Variants in CMTM7 observed in about 807,000 individuals in gnomAD.
The protein encoded by CMTM7 is CKLF-like MARVEL transmembrane domain-containing protein 7.
A neutral mutation model predicts 19.3 loss-of-function variants in CMTM7; 7 were observed. The observed-to-expected ratio is 0.36, with a 90% CI of 0.21 to 0.68. The LOEUF (loss-of-function observed/expected upper bound fraction) is 0.68, where lower values mean the gene tolerates loss of function less well. Among genes scored for constraint, CMTM7 ranks in the 30% least tolerant of loss-of-function variants. CMTM7 has a pLI of 0.60. For missense variants in CMTM7, 193 were observed against 232.6 expected (o/e 0.83, Z 1.11); for synonymous variants, 87 against 99.3 (o/e 0.88, Z 0.74).
At chr3:32,431,409 T>C (rs1696516735) in intron 1 of CMTM7, among the ~76,000 whole-genome samples, 1 of 147,184 alleles carries the variant, frequency 6.8e-6, no homozygotes, top group African/African-American at 2.5e-5. Context: ...GGAGTAACAC[T>C]TTTTTTTTTT....
rs146427365 is a variant in CMTM7, at chr3:32,414,866, A to G, written c.159+22801A>G. ...AAGTGGGGTACTATTTGTCACCTCCACTTTCCAGGTGGAAAACAGGCCCTG... is the reference window on the plus strand; with the variant it reads ...AAGTGGGGTACTATTTGTCACCTCCGCTTTCCAGGTGGAAAACAGGCCCTG... On this transcript the variant is annotated intron_variant, in intron 1 of 4. Transcript: ENST00000334983. Among the ~76,000 whole-genome samples the G allele has an allele frequency of 5.1e-3, 780 of 152,248 alleles. 4 individuals are homozygous for G. Among genetic ancestry groups the G allele is most frequent in the Non-Finnish European group, 8.1e-3 (548 of 68,002 alleles).
At chr3:32,416,152 A>G (rs1165399183) in intron 1 of CMTM7, among the ~76,000 whole-genome samples, 2 of 152,090 alleles carry the variant, frequency 1.3e-5, no homozygotes, top group Non-Finnish European at 2.9e-5. Flanking sequence ...TTTTGAGATC[A>G]GCATTGTTCT....
At chr3:32,403,246 A>C (rs1426622582) in intron 1 of CMTM7, among the ~76,000 whole-genome samples, 1 of 152,068 alleles carries the variant, frequency 6.6e-6, no homozygotes, top group African/African-American at 2.4e-5. Flanking sequence ...ACAGGGTCTC[A>C]CTTTGCCACC....
At chr3:32,435,754 T>A (rs370616011) in intron 1 of CMTM7, among the ~76,000 whole-genome samples, 3 of 152,196 alleles carry the variant, frequency 2.0e-5, no homozygotes, top group Non-Finnish European at 4.4e-5. Context: ...ATAAAGCCAC[T>A]GCCATACTGG....
chr3:32,403,527 T>C lies in CMTM7; in HGVS notation c.159+11462T>C, dbSNP rs573695196. On this transcript the variant is annotated intron_variant, in intron 1 of 4. Coordinates refer to ENST00000334983, the MANE Select transcript of CMTM7 (RefSeq NM_138410.4). Reference sequence around the variant, plus strand: ...GGTGCCGGCCGGGCTAGGTGTTTTTTATATGTGTTACCTTGTTTAATCCTC... The same window carrying C: ...GGTGCCGGCCGGGCTAGGTGTTTTTCATATGTGTTACCTTGTTTAATCCTC... Among the ~76,000 whole-genome samples, 12 of 152,312 alleles carry C rather than the reference T, an allele frequency of 7.9e-5. No individual in the cohort carries two copies. In the South Asian group the frequency reaches 2.5e-3, roughly 32 times the overall value.
chr3:32,421,558 T>A (rs1696344415), intron 1 of CMTM7, among the ~76,000 whole-genome samples: 1 of 151,986 alleles, frequency 6.6e-6, no homozygotes, highest in Non-Finnish European at 1.5e-5. Context: ...TGCCTGACCT[T>A]CTCCTTCCTC....
chr3:32,401,214 G>A (rs1020840636), intron 1 of CMTM7, among the ~76,000 whole-genome samples: 1 of 152,218 alleles, frequency 6.6e-6, no homozygotes, highest in Non-Finnish European at 1.5e-5. Flanking sequence ...TTTGAAGAAT[G>A]GAAGTTCCAC....
chr3:32,404,028 A>G (rs1696050157), intron 1 of CMTM7, among the ~76,000 whole-genome samples: 1 of 151,918 alleles, frequency 6.6e-6, no homozygotes, highest in South Asian at 2.1e-4. Flanking sequence ...TTTTATTTCT[A>G]AGTTCCTCCA....
chr3:32,441,903 A>G lies in CMTM7; in HGVS notation c.223A>G (p.Ser75Gly), dbSNP rs1696682860. The change falls in exon 2 of 5, where the codon AGC (serine) becomes GGC (glycine). Residue 75 changes from serine to glycine, a missense_variant. By Grantham distance (56) the Ser-to-Gly change is moderately conservative. Coordinates refer to ENST00000334983, the MANE Select transcript of CMTM7 (RefSeq NM_138410.4). ...SSLWTNYSAY[S>G]YFEVVTICDL... is the part of the protein sequence containing the mutation. Reference sequence around the variant, plus strand: ...CCTGTGGACCAACTACAGCGCCTACAGCTACTTTGAAGTGGTCACCATTTG... The same window carrying G: ...CCTGTGGACCAACTACAGCGCCTACGGCTACTTTGAAGTGGTCACCATTTG... 2 of 1,614,062 alleles carry G rather than the reference A, an allele frequency of 1.2e-6. No homozygotes were observed. The highest frequency in any genetic ancestry group is 1.3e-5 in the African/African-American group (1 of 74,916).
At chr3:32,422,167 C>T (rs903044131) in intron 1 of CMTM7, among the ~76,000 whole-genome samples, 1 of 152,252 alleles carries the variant, frequency 6.6e-6, no homozygotes, top group Non-Finnish European at 1.5e-5. Context: ...AGTGATTTTT[C>T]ATCCGTGACA....
At chr3:32,403,065 C>G (rs1487326648) in intron 1 of CMTM7, among the ~76,000 whole-genome samples, 1 of 151,544 alleles carries the variant, frequency 6.6e-6, no homozygotes, top group Non-Finnish European at 1.5e-5. Flanking sequence ...AGCGTCAGCT[C>G]TCAACATTGT....
intron 4 of CMTM7, 23 bp from the exon 5 acceptor site, chr3:32,454,218 C>G (rs748726460): frequency 6.3e-7 from 1 of 1,588,798 alleles, no homozygotes; most frequent in East Asian, 2.2e-5. Context: ...GCAAGCTGTC[C>G]TGACTGCCAT....
At chr3:32,419,621 G>A (rs1048098608) in intron 1 of CMTM7, among the ~76,000 whole-genome samples, 1 of 152,074 alleles carries the variant, frequency 6.6e-6, no homozygotes, top group South Asian at 2.1e-4. Flanking sequence ...CGCTTTTTCT[G>A]TCTCAGTTGA....
At chr3:32,434,485 G>A (rs959653198) in intron 1 of CMTM7, among the ~76,000 whole-genome samples, 2 of 147,292 alleles carry the variant, frequency 1.4e-5, no homozygotes, top group East Asian at 2.0e-4. Flanking sequence ...TTTTTTTTTT[G>A]TAGAGATGCG....
rs199691683 is a variant in CMTM7, at chr3:32,454,224, G to A, written c.515-17G>A. ...ACATCCCTGGCAAGCTGTCCTGACT[G>A]CCATTTCCTTCCCAAGATGCAGCCG... On this transcript the variant is annotated splice_polypyrimidine_tract_variant and intron_variant, in intron 4 of 4. Coordinates refer to ENST00000334983, the MANE Select transcript of CMTM7 (RefSeq NM_138410.4). The A allele has an allele frequency of 3.5e-5, 56 of 1,593,446 alleles. No homozygotes were observed. Among genetic ancestry groups the A allele is most frequent in the Non-Finnish European group, 4.0e-5 (47 of 1,165,918 alleles).
intron 1 of CMTM7, among the ~76,000 whole-genome samples, chr3:32,440,553 G>T (rs960735865): frequency 6.6e-6 from 1 of 152,200 alleles, no homozygotes; most frequent in Admixed American, 6.5e-5. Context: ...CAAGGCAGGG[G>T]GATTGCTTGA....
intron 1 of CMTM7, among the ~76,000 whole-genome samples, chr3:32,405,345 G>T (rs188042729): frequency 1.3e-5 from 2 of 152,350 alleles, no homozygotes; most frequent in Non-Finnish European, 2.9e-5. Flanking sequence ...CTGGATCTCT[G>T]ATGGCTGCTC....
intron 1 of CMTM7, among the ~76,000 whole-genome samples, chr3:32,430,362 C>T (rs777547480): frequency 7.2e-5 from 11 of 152,140 alleles, no homozygotes; most frequent in Non-Finnish European, 1.3e-4. Flanking sequence ...TCTGCTTATG[C>T]CTTTATAAAA....
chr3:32,420,832 G>T (rs1002619519), intron 1 of CMTM7, among the ~76,000 whole-genome samples: 2 of 152,212 alleles, frequency 1.3e-5, no homozygotes, highest in Admixed American at 6.5e-5. Context: ...AAGTGGCAAG[G>T]CCTGCTGCCT....
Sources: allele counts gnomAD v4.1 joint callset (sites outside exome capture counted in the v4.1 genomes callset), GRCh38; gene constraint gnomAD v4.1.1; transcripts MANE v1.5; gene names NCBI Gene and HGNC (gene_info 2026-07-23, HGNC 2026-07-21).